Variants in SLIT3 observed in about 807,000 individuals in gnomAD.
SLIT3 encodes slit homolog 3 protein.
A neutral mutation model predicts 184.0 loss-of-function variants in SLIT3; 68 were observed. The observed-to-expected ratio is 0.37, with a 90% CI of 0.30 to 0.45. The LOEUF is 0.45. SLIT3 is among the 20% of genes least tolerant of loss of function. The probability of loss-of-function intolerance (pLI) is 1.00; values close to 1 mark genes in which losing one functional copy is unlikely to be tolerated. For synonymous variants in SLIT3, 831 were observed against 828.6 expected (o/e 1.00, Z -0.05); for missense variants, 1,707 against 2,026.0 (o/e 0.84, Z 3.02).
At chr5:168,844,952 A>G in intron 5 of SLIT3, 1 of 374,578 alleles carries the variant, frequency 2.7e-6, no homozygotes. Context: ...ACATTAGGGC[A>G]TCCAATCCAT....
intron 10 of SLIT3, among the ~76,000 whole-genome samples, chr5:168,793,859 C>T (rs769715091): frequency 5.9e-5 from 9 of 151,952 alleles, no homozygotes; most frequent in Non-Finnish European, 1.0e-4. Flanking sequence ...AGATTAATGG[C>T]CCGAGGTTTT....
chr5:168,885,496 C>A (rs1269396878), intron 4 of SLIT3, among the ~76,000 whole-genome samples: 1 of 152,200 alleles, frequency 6.6e-6, no homozygotes, highest in Non-Finnish European at 1.5e-5. Flanking sequence ...GTCCTGTCAT[C>A]TGACTAATGC....
rs140849408 is a variant in SLIT3, at chr5:169,279,565, A to G, written c.197+20948T>C. ...TTACTACTATGCCACCTTTTCTAACAAAAGTGCCAATTCCACAGGGTTCAA... is the reference window on the plus strand; with the variant it reads ...TTACTACTATGCCACCTTTTCTAACGAAAGTGCCAATTCCACAGGGTTCAA... On this transcript the variant is annotated intron_variant, in intron 1 of 35. Coordinates refer to ENST00000519560, the MANE Select transcript of SLIT3 (RefSeq NM_003062.4). Among the ~76,000 whole-genome samples, 27 of 152,358 alleles carry G rather than the reference A, an allele frequency of 1.8e-4. 1 individual carries two copies. The East Asian group carries it at 5.2e-3, about 29-fold the overall frequency.
chr5:168,781,162 C>T (rs1561929510), intron 12 of SLIT3, among the ~76,000 whole-genome samples: 1 of 152,154 alleles, frequency 6.6e-6, no homozygotes. Context: ...CTCTTTCTAC[C>T]CCAGAGACAT....
chr5:169,300,238 C>T lies in SLIT3; in HGVS notation c.197+275G>A, dbSNP rs1179103924. ...GCCTCCCCTCGCCTCTCCTCAGCTA[C>T]TCCTTGGAAGCTGTCAGCGGGCCCT... On this transcript the variant is annotated intron_variant, in intron 1 of 35. Transcript: ENST00000519560. The surrounding 1 kb of genome is among the most constrained non-coding windows in gnomAD (Gnocchi z 4.1). Among the ~76,000 whole-genome samples the T allele has an allele frequency of 4.6e-5, 7 of 152,242 alleles. No individual in the cohort carries two copies. The highest frequency in any genetic ancestry group is 8.8e-5 in the Non-Finnish European group (6 of 68,038).
chr5:168,768,321 AG>A, intron 14 of SLIT3: 1 of 466,962 alleles, frequency 2.1e-6, no homozygotes, highest in African/African-American at 2.0e-5. Flanking sequence ...AGCGTGGAGA[AG>A]CGGAAGCCGG....
intron 1 of SLIT3, among the ~76,000 whole-genome samples, chr5:169,255,401 T>A (rs1765918739): frequency 6.6e-6 from 1 of 152,152 alleles, no homozygotes; most frequent in African/African-American, 2.4e-5. Flanking sequence ...AGATGGATGA[T>A]CCTGACCCTG....
At position 169,300,717 on chromosome 5, in the gene SLIT3, A is replaced by T. The variant is rs550938142; in HGVS notation, c.-8T>A. The stretch of plus-strand genomic sequence containing the variant: ...TGCCCACCCGGGGGCCATGGTGTGC[A>T]GGGCCCCGCTCCTGGAGGAGGCTGC... On this transcript the variant is annotated 5_prime_UTR_variant, in exon 1 of 36. Coordinates refer to ENST00000519560, the MANE Select transcript of SLIT3 (RefSeq NM_003062.4). The surrounding 1 kb of genome is among the most constrained non-coding windows in gnomAD (Gnocchi z 4.1). The T allele has an allele frequency of 7.5e-6, 10 of 1,328,014 alleles. No individual in the cohort carries two copies. In the East Asian group the frequency reaches 3.1e-4, roughly 42 times the overall value. 82.3% of individuals were successfully genotyped at this position (1,328,014 alleles called of 1,614,324 possible).
chr5:168,762,496 C>T (rs2288796), intron 15 of SLIT3, 43 bp downstream of exon 15: 838,961 of 1,589,738 alleles, frequency 0.53, 222,784 homozygotes, highest in African/African-American at 0.6. Flanking sequence ...GGGTGACTGG[C>T]GTGTGGGGAG....
At chr5:168,721,575 A>G (rs1453086631) in intron 23 of SLIT3, among the ~76,000 whole-genome samples, 1 of 152,194 alleles carries the variant, frequency 6.6e-6, no homozygotes, top group African/African-American at 2.4e-5. Context: ...AACTCTGTTT[A>G]AAGGGGCAGG....
chr5:169,267,088 G>T (rs1203894036), intron 1 of SLIT3, among the ~76,000 whole-genome samples: 3 of 152,120 alleles, frequency 2.0e-5, no homozygotes, highest in African/African-American at 7.2e-5. Flanking sequence ...CACATTTGGG[G>T]CCTTTTTTAA....
chr5:168,772,812 G>A lies in SLIT3; in HGVS notation c.1428C>T (p.Ser476=). Residue 476 remains serine, a synonymous_variant, in exon 14 of 36, where the codon AGC becomes AGT. Coordinates refer to ENST00000519560, the MANE Select transcript of SLIT3 (RefSeq NM_003062.4). ...AGCGGAACTTCTTGCTCTTGATCTGGCTGATGCGCTTGTTGGCGAGTCGGC... is the reference window on the plus strand; with the variant it reads ...AGCGGAACTTCTTGCTCTTGATCTGACTGATGCGCTTGTTGGCGAGTCGGC... ...SPRRLANKRI[S]QIKSKKFRCS... is the part of the protein sequence containing the mutation. 1.2e-5 allele frequency: 19 copies of A among 1,614,140 alleles called. No homozygotes were observed. The highest frequency in any genetic ancestry group is 1.6e-5 in the Non-Finnish European group (19 of 1,180,028).
Position 168,936,836 on chromosome 5 carries a change from G to A in SLIT3, c.414-53500C>T, listed in dbSNP as rs1762173374. Among the ~76,000 whole-genome samples, 2 of 152,106 alleles carry A rather than the reference G, an allele frequency of 1.3e-5. 1 individual carries two copies. Among genetic ancestry groups the A allele is most frequent in the South Asian group, 4.1e-4 (2 of 4,824 alleles). ...TATATACTTATTGAGCACCTACTAG[G>A]TGCTTGTCTCATCCTAGGAACTGGG... On this transcript the variant is annotated intron_variant, in intron 4 of 35. Transcript: ENST00000519560.
intron 4 of SLIT3, among the ~76,000 whole-genome samples, chr5:169,079,215 T>C (rs1339406031): frequency 6.6e-6 from 1 of 152,132 alleles, no homozygotes; most frequent in East Asian, 1.9e-4. Context: ...GCCCCAAGTT[T>C]TCAGGCCAGG....
intron 8 of SLIT3, among the ~76,000 whole-genome samples, chr5:168,806,949 G>T (rs1296800484): frequency 1.3e-5 from 2 of 152,148 alleles, no homozygotes; most frequent in African/African-American, 4.8e-5. Context: ...GGTTTTAGCT[G>T]GTATTGGACG....
At chr5:168,888,176 A>G (rs1355073585) in intron 4 of SLIT3, among the ~76,000 whole-genome samples, 2 of 152,208 alleles carry the variant, frequency 1.3e-5, no homozygotes, top group African/African-American at 4.8e-5. Context: ...AAGGCAAATA[A>G]AAGTACAATC....
intron 4 of SLIT3, among the ~76,000 whole-genome samples, chr5:168,985,084 G>A (rs1048343337): frequency 2.6e-5 from 4 of 152,304 alleles, no homozygotes; most frequent in Admixed American, 2.6e-4. Flanking sequence ...ACCCCCAACT[G>A]TGTTCTCTAC....
intron 4 of SLIT3, among the ~76,000 whole-genome samples, chr5:169,126,764 G>A (rs1344825623): frequency 6.6e-6 from 1 of 152,242 alleles, no homozygotes; most frequent in African/African-American, 2.4e-5. Flanking sequence ...AGGCCCTGCT[G>A]AGTCAGAGCC....
intron 6 of SLIT3, among the ~76,000 whole-genome samples, chr5:168,830,517 A>G (rs771524759): frequency 1.5e-4 from 23 of 152,220 alleles, no homozygotes; most frequent in Non-Finnish European, 7.3e-5. Context: ...CTAGTCAAGG[A>G]TATCGCTTTG....
Sources: allele counts gnomAD v4.1 joint callset (sites outside exome capture counted in the v4.1 genomes callset), GRCh38; gene constraint gnomAD v4.1.1; non-coding constraint Gnocchi (gnomAD v3.1); transcripts MANE v1.5; gene names NCBI Gene and HGNC (gene_info 2026-07-23, HGNC 2026-07-21).